The following CDH13 variants were observed in gnomAD, a reference collection of about 807,000 sequenced individuals.
The protein encoded by CDH13 is cadherin-13.
Under a neutral mutation model 63.8 loss-of-function variants are expected in CDH13, and 24 were observed. That is an observed-to-expected ratio of 0.38 (90% CI 0.27 to 0.53). The LOEUF (loss-of-function observed/expected upper bound fraction) is 0.53, where lower values mean the gene tolerates loss of function less well. CDH13 is among the 20% of genes least tolerant of loss of function. The pLI is 0.85. For synonymous variants in CDH13, 503 were observed against 355.3 expected (o/e 1.42, Z -4.67); for missense variants, 1,049 against 903.1 (o/e 1.16, Z -2.07).
At chr16:83,548,356 C>T (rs1256541140) in intron 7 of CDH13, among the ~76,000 whole-genome samples, 3 of 151,982 alleles carry the variant, frequency 2.0e-5, no homozygotes, top group African/African-American at 7.2e-5. Flanking sequence ...GAAGGGGATG[C>T]TACTAGCATT....
At chr16:82,871,028 A>C (rs1477294469) in intron 2 of CDH13, among the ~76,000 whole-genome samples, 5 of 152,196 alleles carry the variant, frequency 3.3e-5, no homozygotes, top group African/African-American at 1.2e-4. Flanking sequence ...CTGTTCATGG[A>C]GTCAAATGAT....
chr16:83,182,477 A>G (rs1483799644), intron 4 of CDH13, among the ~76,000 whole-genome samples: 2 of 152,214 alleles, frequency 1.3e-5, no homozygotes, highest in African/African-American at 4.8e-5. Context: ...TTGGATGGTC[A>G]TGTGTGTTCA....
chr16:83,209,259 G>C (rs2039268383), intron 4 of CDH13, among the ~76,000 whole-genome samples: 1 of 152,150 alleles, frequency 6.6e-6, no homozygotes, highest in African/African-American at 2.4e-5. Flanking sequence ...CCACCTATGA[G>C]TCAGGGCCTG....
intron 4 of CDH13, among the ~76,000 whole-genome samples, chr16:83,140,283 C>G (rs966632726): frequency 6.6e-6 from 1 of 152,172 alleles, no homozygotes; most frequent in African/African-American, 2.4e-5. Flanking sequence ...ATCTTGTGCT[C>G]ATGCATTTTC....
At chr16:83,144,435 G>A (rs1225879572) in intron 4 of CDH13, among the ~76,000 whole-genome samples, 1 of 152,184 alleles carries the variant, frequency 6.6e-6, no homozygotes, top group East Asian at 1.9e-4. Flanking sequence ...CTACCTGTCT[G>A]CCAATTTCTA....
At chr16:83,609,768 C>A (rs978137824) in intron 8 of CDH13, among the ~76,000 whole-genome samples, 1 of 152,092 alleles carries the variant, frequency 6.6e-6, no homozygotes, top group South Asian at 2.1e-4. Context: ...ATGTACAATT[C>A]ATTGGTTTTC....
chr16:83,101,376 T>A (rs1264325797), intron 3 of CDH13, among the ~76,000 whole-genome samples: 1 of 150,576 alleles, frequency 6.6e-6, no homozygotes, highest in Non-Finnish European at 1.5e-5. Flanking sequence ...TATGCTTATA[T>A]ACTCTATGTC....
chr16:83,646,364 C>A (rs1054982386), intron 8 of CDH13, among the ~76,000 whole-genome samples: 1 of 152,144 alleles, frequency 6.6e-6, no homozygotes, highest in Admixed American at 6.6e-5. Context: ...CACTAATAAG[C>A]TTTCTGTTGC....
At chr16:83,631,794 T>C (rs886627402) in intron 8 of CDH13, among the ~76,000 whole-genome samples, 4 of 152,204 alleles carry the variant, frequency 2.6e-5, no homozygotes, top group Non-Finnish European at 5.9e-5. Flanking sequence ...AATCAGTCAC[T>C]GCTGCCGCCA....
intron 1 of CDH13, among the ~76,000 whole-genome samples, chr16:82,652,506 A>C (rs3852732): frequency 1.3e-5 from 2 of 152,042 alleles, no homozygotes; most frequent in African/African-American, 2.4e-5. Flanking sequence ...AAGTTTGCTC[A>C]GTGATATGAT....
intron 4 of CDH13, among the ~76,000 whole-genome samples, chr16:83,205,513 A>G (rs1368302029): frequency 6.6e-6 from 1 of 152,112 alleles, no homozygotes; most frequent in Non-Finnish European, 1.5e-5. Flanking sequence ...GTACTCTGGA[A>G]GTCAGAAATG....
intron 2 of CDH13, among the ~76,000 whole-genome samples, chr16:82,966,288 A>G (rs1182893072): frequency 6.6e-6 from 1 of 152,008 alleles, no homozygotes; most frequent in Non-Finnish European, 1.5e-5. Flanking sequence ...AGCTGGGACT[A>G]CAGGCGCCCG....
chr16:82,911,799 G>A (rs963121029), intron 2 of CDH13, among the ~76,000 whole-genome samples: 2 of 152,004 alleles, frequency 1.3e-5, no homozygotes, highest in Admixed American at 1.3e-4. Context: ...CTCCTGTCCT[G>A]GAATCCTGGC....
chr16:82,818,114 TTGTGTG>T (rs5818411), intron 1 of CDH13, among the ~76,000 whole-genome samples: 14 of 149,256 alleles, frequency 9.4e-5, no homozygotes, highest in African/African-American at 1.2e-4. Context: ...ACATGTATGG[TTGTGTG>T]TGTGTGTGTG....
intron 3 of CDH13, among the ~76,000 whole-genome samples, chr16:83,099,865 A>G (rs1202135607): frequency 6.6e-6 from 1 of 152,112 alleles, no homozygotes; most frequent in Non-Finnish European, 1.5e-5. Context: ...AAGAGTGAGG[A>G]GGTGGTACTG....
chr16:83,648,590 T>C (rs1171343576), intron 8 of CDH13, among the ~76,000 whole-genome samples: 1 of 152,192 alleles, frequency 6.6e-6, no homozygotes. Flanking sequence ...TGGGTTTCCA[T>C]AGACATGGAA....
At chr16:83,557,643 G>A in intron 7 of CDH13, among the ~76,000 whole-genome samples, 1 of 152,126 alleles carries the variant, frequency 6.6e-6, no homozygotes, top group South Asian at 2.1e-4. Flanking sequence ...TATAGGAAAT[G>A]CCCTGGAGTT....
At chr16:83,739,886 G>A (rs189918024) in intron 10 of CDH13, 1 of 152,346 alleles carries the variant, frequency 6.6e-6, no homozygotes, top group East Asian at 1.9e-4. Context: ...GGTTAAGTAA[G>A]ATAGATGAGG....
At chr16:82,952,352 T>C (rs1436668715) in intron 2 of CDH13, among the ~76,000 whole-genome samples, 1 of 152,202 alleles carries the variant, frequency 6.6e-6, no homozygotes, top group Non-Finnish European at 1.5e-5. Flanking sequence ...ATGGTATTTC[T>C]ATATGCAAAG....
Sources: allele counts gnomAD v4.1 joint callset (sites outside exome capture counted in the v4.1 genomes callset), GRCh38; gene constraint gnomAD v4.1.1; transcripts MANE v1.5; gene names NCBI Gene and HGNC (gene_info 2026-07-23, HGNC 2026-07-21).